ZFPM2: variants seen among roughly 807,000 people sequenced by gnomAD.
ZFPM2 encodes the protein zinc finger protein, FOG family member 2, also known as zinc finger protein ZFPM2.
Under a neutral mutation model 98.6 loss-of-function variants are expected in ZFPM2, and 20 were observed. The ratio of observed to expected loss-of-function variants is 0.20; its 90% CI spans 0.14 to 0.29. The LOEUF (loss-of-function observed/expected upper bound fraction) is 0.29, where lower values mean the gene tolerates loss of function less well. ZFPM2 is among the 10% of genes least tolerant of loss of function. The pLI, the probability that ZFPM2 is intolerant of heterozygous loss-of-function variation, is 1.00. For missense variants in ZFPM2, 1,310 were observed against 1,388.6 expected, an observed-to-expected ratio of 0.94 and a Z score of 0.90; for synonymous variants, 518 against 502.7, an observed-to-expected ratio of 1.03 and a Z score of -0.41.
intron 1 of ZFPM2, among the ~76,000 whole-genome samples, chr8:105,360,128 G>T (rs1168860490): frequency 6.6e-6 from 1 of 152,172 alleles, no homozygotes; most frequent in East Asian, 1.9e-4. Flanking sequence ...TGAAATTTCA[G>T]ATTCTTTGAA....
chr8:105,659,179 A>T (rs2130883111), intron 5 of ZFPM2, among the ~76,000 whole-genome samples: 1 of 152,310 alleles, frequency 6.6e-6, no homozygotes, highest in Non-Finnish European at 1.5e-5. Context: ...TTTGATCTGT[A>T]TTTTATAGAA....
intron 3 of ZFPM2, chr8:105,528,815 G>A (rs926124186): frequency 2.6e-5 from 4 of 152,102 alleles, no homozygotes; most frequent in African/African-American, 4.8e-5. Flanking sequence ...CATGTTTTAT[G>A]TATGGGCACA....
At chr8:105,464,560 G>C (rs1563671521) in intron 3 of ZFPM2, among the ~76,000 whole-genome samples, 1 of 152,042 alleles carries the variant, frequency 6.6e-6, no homozygotes, top group Non-Finnish European at 1.5e-5. Flanking sequence ...GCAGGCTCCT[G>C]ATGAGACCAG....
rs1161781296 is a variant in ZFPM2, at chr8:105,318,497, G to A, written c.-445G>A. On this transcript the variant is annotated 5_prime_UTR_variant, in exon 1 of 8. Transcript: ENST00000407775. Reference sequence around the variant, plus strand: ...CGGCGCCGGAGTATCCGTCCCGCACGCCGGGGCGAGGGGCGAGCGAGCGCG... The same window carrying A: ...CGGCGCCGGAGTATCCGTCCCGCACACCGGGGCGAGGGGCGAGCGAGCGCG... Among the ~76,000 whole-genome samples, 1 of 150,052 alleles carries A rather than the reference G, an allele frequency of 6.7e-6. No homozygotes were observed. Among genetic ancestry groups the A allele is most frequent in the Non-Finnish European group, 1.5e-5 (1 of 67,316 alleles).
At chr8:105,799,025 ACG>A in intron 7 of ZFPM2, 77 bp downstream of exon 7, 6 of 1,309,424 alleles carry the variant, frequency 4.6e-6, no homozygotes, top group Non-Finnish European at 5.3e-6. Flanking sequence ...TTACATGTAT[ACG>A]TCTATATCTG....
intron 5 of ZFPM2, among the ~76,000 whole-genome samples, chr8:105,677,191 T>G (rs1180508208): frequency 6.6e-6 from 1 of 151,512 alleles, no homozygotes; most frequent in Non-Finnish European, 1.5e-5. Context: ...TGAAATATAT[T>G]TTCTCTTGTA....
intron 1 of ZFPM2, among the ~76,000 whole-genome samples, chr8:105,373,706 AAAACT>A (rs1291568730): frequency 6.6e-6 from 1 of 152,250 alleles, no homozygotes; most frequent in African/African-American, 2.4e-5. Context: ...CAACTACAAC[AAAACT>A]AAATAAATGA....
intron 3 of ZFPM2, among the ~76,000 whole-genome samples, chr8:105,520,097 A>C (rs1814018352): frequency 2.0e-5 from 3 of 152,190 alleles, no homozygotes; most frequent in Non-Finnish European, 1.5e-5. Flanking sequence ...GGGAACAAAA[A>C]TAAAGAAAAT....
At chr8:105,615,218 C>T (rs180901892) in intron 4 of ZFPM2, among the ~76,000 whole-genome samples, 70 of 151,382 alleles carry the variant, frequency 4.6e-4, no homozygotes, top group African/African-American at 1.5e-3. Context: ...GAAACTAGAA[C>T]TTGGGTTAGT....
rs374588215 is a variant in ZFPM2 at position 105,700,959 on chromosome 8, C to A, written c.532+66602C>A. Among the ~76,000 whole-genome samples, 7 of 152,230 alleles carry A rather than the reference C, an allele frequency of 4.6e-5. No individual in the cohort carries two copies. In the East Asian group the frequency reaches 1.2e-3, roughly 25 times the overall value. Reference sequence around the variant, plus strand: ...AAATTACATTTTGTTTTTGCCATAACCTGCCATTGTCTTGCATTGTTGAGT... The same window carrying A: ...AAATTACATTTTGTTTTTGCCATAAACTGCCATTGTCTTGCATTGTTGAGT... On this transcript the variant is annotated intron_variant, in intron 5 of 7. Coordinates refer to ENST00000407775, the MANE Select transcript of ZFPM2 (RefSeq NM_012082.4).
chr8:105,765,750 T>TA (rs1563554499), intron 5 of ZFPM2, among the ~76,000 whole-genome samples: 1 of 151,954 alleles, frequency 6.6e-6, no homozygotes, highest in Non-Finnish European at 1.5e-5. Flanking sequence ...TTCTCTGACT[T>TA]ACTTCTAGCA....
At chr8:105,587,305 G>A (rs1453244150) in intron 4 of ZFPM2, among the ~76,000 whole-genome samples, 2 of 150,176 alleles carry the variant, frequency 1.3e-5, no homozygotes, top group Admixed American at 6.6e-5. Flanking sequence ...AAAAGCTTTG[G>A]ACTTAACAGT....
chr8:105,681,157 A>G (rs536958106), intron 5 of ZFPM2, among the ~76,000 whole-genome samples: 3 of 152,290 alleles, frequency 2.0e-5, no homozygotes, highest in East Asian at 1.9e-4. Flanking sequence ...ACTTCTCATT[A>G]TTATGAAGAT....
chr8:105,753,281 A>G (rs1812518254), intron 5 of ZFPM2, among the ~76,000 whole-genome samples: 1 of 152,094 alleles, frequency 6.6e-6, no homozygotes, highest in South Asian at 2.1e-4. Flanking sequence ...TGAAAGTCTG[A>G]CTTTTAGCAC....
intron 4 of ZFPM2, among the ~76,000 whole-genome samples, chr8:105,596,281 G>A (rs969652412): frequency 6.6e-6 from 1 of 151,950 alleles, no homozygotes; most frequent in African/African-American, 2.4e-5. Flanking sequence ...GAAAACAAAA[G>A]AGTAAACAAT....
In ZFPM2 at chr8:105,418,541, CT is replaced by C. The variant is rs548676015; in HGVS notation, c.41-599del. Reference sequence around the variant, plus strand: ...ATTACATTTTTTCATTAGAAAACCACTTTTCATTTCAGAAAAAATTCAATTA... The same window carrying C: ...ATTACATTTTTTCATTAGAAAACCACTTTCATTTCAGAAAAAATTCAATTA... On this transcript the variant is annotated intron_variant, in intron 1 of 7. Coordinates refer to ENST00000407775, the MANE Select transcript of ZFPM2 (RefSeq NM_012082.4). 8.6e-5 allele frequency: 44 copies of C among 511,776 alleles called. 1 individual carries two copies. The highest frequency in any genetic ancestry group is 6.4e-4 in the African/African-American group (33 of 51,426). 31.7% of individuals were successfully genotyped at this position (511,776 alleles called of 1,614,324 possible). A position where few individuals can be genotyped will look rare whatever the true frequency, so the allele number is the denominator to read the frequency against.
chr8:105,735,748 G>A (rs1486462538), intron 5 of ZFPM2, among the ~76,000 whole-genome samples: 6 of 151,936 alleles, frequency 3.9e-5, no homozygotes, highest in Non-Finnish European at 8.8e-5. Context: ...ATGGGTGGAA[G>A]TGTGAATTTT....
At chr8:105,634,735 G>A (rs1816816134) in intron 5 of ZFPM2, among the ~76,000 whole-genome samples, 1 of 152,160 alleles carries the variant, frequency 6.6e-6, no homozygotes, top group Non-Finnish European at 1.5e-5. Flanking sequence ...AACAATTTGT[G>A]TCAAGGTGCA....
At chr8:105,582,183 C>T (rs551739306) in intron 4 of ZFPM2, among the ~76,000 whole-genome samples, 5 of 152,218 alleles carry the variant, frequency 3.3e-5, no homozygotes, top group South Asian at 4.2e-4. Flanking sequence ...CCAATCCACC[C>T]GGATATATTA....
Sources: allele counts gnomAD v4.1 joint callset (sites outside exome capture counted in the v4.1 genomes callset), GRCh38; gene constraint gnomAD v4.1.1; transcripts MANE v1.5; gene names NCBI Gene and HGNC (gene_info 2026-07-23, HGNC 2026-07-21).